Variants in ARMH4 observed in about 807,000 individuals in gnomAD.
ARMH4 encodes the protein armadillo-like helical domain-containing protein 4.
ARMH4 carries 49 observed loss-of-function variants against 61.9 expected under a neutral mutation model. That is an observed-to-expected ratio of 0.79 (90% CI 0.63 to 1.00). The LOEUF (loss-of-function observed/expected upper bound fraction) is 1.00, where lower values mean the gene tolerates loss of function less well. Among genes scored for constraint, ARMH4 ranks in the 50% least tolerant of loss-of-function variants. ARMH4 has a pLI of 0.00. For missense variants in ARMH4, 934 were observed against 930.0 expected (o/e 1.00, Z -0.06); for synonymous variants, 368 against 341.5 (o/e 1.08, Z -0.85).
chr14:58,141,336 C>T (rs1887543278), intron 1 of ARMH4: 4 of 488,020 alleles, frequency 8.2e-6, no homozygotes, highest in Non-Finnish European at 1.6e-5. Context: ...AGGTCAAGCC[C>T]ACCGACACCA....
rs770302929 is a variant in ARMH4, at chr14:58,138,351, A to T, written c.1008T>A (p.Thr336=). The T allele has an allele frequency of 6.2e-7, 1 of 1,613,840 alleles. No individual in the cohort carries two copies. Among genetic ancestry groups the T allele is most frequent in the Non-Finnish European group, 8.5e-7 (1 of 1,179,946 alleles). The change falls in exon 2 of 8, where the codon ACT becomes ACA. Residue 336 remains threonine, a synonymous_variant. Transcript: ENST00000267485. ...TCTGAGACATCTCCGTTCTCACCTG[A>T]GTCTCTTCATTGTCTCCAAGCTTGG... ...RTPKLGDNEE[T]QVRTEMSQTA... is the part of the protein sequence containing the mutation.
intron 5 of ARMH4, among the ~76,000 whole-genome samples, chr14:58,080,661 G>A (rs1885192850): frequency 6.6e-6 from 1 of 152,126 alleles, no homozygotes; most frequent in Non-Finnish European, 1.5e-5. Context: ...TGGGTGATGG[G>A]ATCATTTGTG....
intron 5 of ARMH4, among the ~76,000 whole-genome samples, chr14:58,029,838 C>G (rs1020890406): frequency 8.5e-5 from 13 of 152,236 alleles, no homozygotes; most frequent in African/African-American, 2.6e-4. Context: ...TATAACCCAG[C>G]AATTCCACTG....
rs1887113048 is a variant in ARMH4 at position 58,131,697 on chromosome 14, G to A, written c.1646C>T (p.Pro549Leu). The A allele has an allele frequency of 6.2e-7, 1 of 1,613,172 alleles. No homozygotes were observed. Among genetic ancestry groups the A allele is most frequent in the East Asian group, 2.2e-5 (1 of 44,882 alleles). The change falls in exon 4 of 8, where the codon CCA becomes CTA. Residue 549 changes from proline to leucine, a missense_variant. Pro to Leu is a moderately conservative substitution (Grantham distance 98). Coordinates refer to ENST00000267485, the MANE Select transcript of ARMH4 (RefSeq NM_001001872.4). ...VEEQMDTVTG[P>L]NEEFTPVLGS... The stretch of plus-strand genomic sequence containing the variant: ...CAGAACTGGTGTGAACTCCTCATTT[G>A]GCCCTGTGACTGTGTCCATTTGTTC...
chr14:58,133,065 G>A (rs1887174247), intron 3 of ARMH4, 25 bp downstream of exon 3: 1 of 1,611,528 alleles, frequency 6.2e-7, no homozygotes, highest in South Asian at 1.1e-5. Flanking sequence ...CCCCAAAACA[G>A]AGTCCAATAT....
chr14:58,031,791 C>T (rs558036172), intron 5 of ARMH4, among the ~76,000 whole-genome samples: 165 of 152,296 alleles, frequency 1.1e-3, no homozygotes, highest in Non-Finnish European at 1.0e-3. Context: ...TTGAAAAGTT[C>T]TCTCTGCCAT....
chr14:58,117,941 AT>A (rs896895737), intron 4 of ARMH4, among the ~76,000 whole-genome samples: 3 of 141,042 alleles, frequency 2.1e-5, no homozygotes, highest in African/African-American at 5.1e-5. Context: ...AAAAAAAAAA[AT>A]TTATACAGGT....
At chr14:58,133,896 A>C (rs924960269) in intron 2 of ARMH4, among the ~76,000 whole-genome samples, 3 of 152,226 alleles carry the variant, frequency 2.0e-5, no homozygotes, top group Admixed American at 6.5e-5. Context: ...ACAGGGAGAT[A>C]GGTACTAATA....
intron 1 of ARMH4, among the ~76,000 whole-genome samples, chr14:58,150,825 G>A (rs1009971731): frequency 6.6e-6 from 1 of 152,188 alleles, no homozygotes; most frequent in Non-Finnish European, 1.5e-5. Flanking sequence ...GCAATGTTCT[G>A]ATACTGTGAA....
At chr14:58,133,476 C>A in intron 2 of ARMH4, 135 bp from the exon 3 acceptor site, 1 of 790,082 alleles carries the variant, frequency 1.3e-6, no homozygotes. Context: ...AGAGAGAACT[C>A]AGAAGTAAAA....
At chr14:58,131,843 G>A in intron 3 of ARMH4, 122 bp from the exon 4 acceptor site, 1 of 868,426 alleles carries the variant, frequency 1.2e-6, no homozygotes, top group Non-Finnish European at 1.8e-6. Flanking sequence ...AGCAAGTTTG[G>A]CACTTGGGTC....
intron 5 of ARMH4, among the ~76,000 whole-genome samples, chr14:58,071,626 G>T (rs546168813): frequency 6.6e-6 from 1 of 151,968 alleles, no homozygotes; most frequent in East Asian, 1.9e-4. Flanking sequence ...TAGAAATAAG[G>T]GAAAGACAGA....
At chr14:58,126,052 C>A (rs1274290442) in intron 4 of ARMH4, among the ~76,000 whole-genome samples, 1 of 152,144 alleles carries the variant, frequency 6.6e-6, no homozygotes, top group Admixed American at 6.5e-5. Flanking sequence ...GGGATATAAA[C>A]CCAGGCATTC....
chr14:58,074,777 T>A (rs979994616), intron 5 of ARMH4, among the ~76,000 whole-genome samples: 2 of 152,244 alleles, frequency 1.3e-5, no homozygotes, highest in African/African-American at 4.8e-5. Flanking sequence ...GAAAATATTG[T>A]AATATAATTT....
At chr14:58,097,056 G>T (rs1885779500) in intron 4 of ARMH4, 75 bp from the exon 5 acceptor site, 22 of 1,443,104 alleles carry the variant, frequency 1.5e-5, no homozygotes, top group Non-Finnish European at 2.1e-5. Flanking sequence ...CCTTGGAAAT[G>T]ATCCAAACAC....
In ARMH4 at chr14:58,068,725, G is replaced by C. The variant is rs139636193; in HGVS notation, c.2089+27999C>G. 3.1e-3 allele frequency among the ~76,000 whole-genome samples: 479 copies of C among 152,212 alleles called. 1 individual carries two copies. Among genetic ancestry groups the C allele is most frequent in the African/African-American group, 0.01 (436 of 41,528 alleles). ...CTTTTACAGCTTAAAGAAGACTCTA[G>C]GCCACGCGCGGTGGCTCACACCTGT... On this transcript the variant is annotated intron_variant, in intron 5 of 7. Coordinates refer to ENST00000267485, the MANE Select transcript of ARMH4 (RefSeq NM_001001872.4).
intron 5 of ARMH4, among the ~76,000 whole-genome samples, chr14:58,036,272 G>A (rs1384642410): frequency 7.2e-4 from 50 of 69,454 alleles, no homozygotes; most frequent in Non-Finnish European, 1.0e-3. Flanking sequence ...ATGTAATCCA[G>A]CATATAAACA....
intron 5 of ARMH4, among the ~76,000 whole-genome samples, chr14:58,091,133 A>G (rs1885550809): frequency 6.6e-6 from 1 of 151,520 alleles, no homozygotes; most frequent in African/African-American, 2.4e-5. Flanking sequence ...AATCACTTGA[A>G]CTCAGGAGGT....
chr14:58,080,119 A>T (rs986081895), intron 5 of ARMH4, among the ~76,000 whole-genome samples: 14 of 47,422 alleles, frequency 3.0e-4, no homozygotes, highest in African/African-American at 5.9e-4. Context: ...ATATTTATTT[A>T]TATATATATA....
Sources: gnomAD v4.1 joint callset for allele counts (sites outside exome capture counted in the v4.1 genomes callset) on GRCh38, gnomAD v4.1.1 for gene constraint, MANE v1.5 for transcripts, NCBI Gene and HGNC (gene_info 2026-07-23, HGNC 2026-07-21) for gene names.